The following VPS13D variants were observed in gnomAD, a reference collection of about 807,000 sequenced individuals.
The protein encoded by VPS13D is vacuolar protein sorting 13 homolog D, also known as intermembrane lipid transfer protein VPS13D.
Under a neutral mutation model 461.9 loss-of-function variants are expected in VPS13D, and 187 were observed. That is an observed-to-expected ratio of 0.40 (90% CI 0.36 to 0.46). The LOEUF (loss-of-function observed/expected upper bound fraction) is 0.46. Ranked by LOEUF, VPS13D falls within the 20% of genes least tolerant of loss-of-function variation. The pLI is 0.60. For missense variants in VPS13D, 4,711 were observed against 5,364.9 expected, an observed-to-expected ratio of 0.88 and a Z score of 3.81; for synonymous variants, 1,951 against 1,986.3, an observed-to-expected ratio of 0.98 and a Z score of 0.47.
intron 20 of VPS13D, among the ~76,000 whole-genome samples, chr1:12,282,286 T>C (rs1417333800): frequency 6.6e-6 from 1 of 152,256 alleles, no homozygotes; most frequent in East Asian, 1.9e-4. Flanking sequence ...TAAAAAGTAC[T>C]ACCAGTACTA....
chr1:12,436,109 A>G (rs774419640), intron 65 of VPS13D, among the ~76,000 whole-genome samples: 39 of 152,242 alleles, frequency 2.6e-4, no homozygotes, highest in Non-Finnish European at 4.7e-4. Flanking sequence ...GGGGACACAG[A>G]CATAAACAAA....
At chr1:12,291,195 A>G (rs1031418514) in intron 23 of VPS13D, 71 bp downstream of exon 23, 5 of 1,526,890 alleles carry the variant, frequency 3.3e-6, no homozygotes, top group South Asian at 1.3e-5. Flanking sequence ...CTTGTTGGCT[A>G]GACAATAAAG....
intron 60 of VPS13D, 109 bp downstream of exon 60, chr1:12,386,443 TGTGGCC>T: frequency 7.8e-7 from 1 of 1,286,810 alleles, no homozygotes; most frequent in Non-Finnish European, 1.0e-6. Flanking sequence ...GGAAATATCT[TGTGGCC>T]TTCAAAAAAT....
At chr1:12,433,949 A>AGAGAGAGAGAGAGAGAGTGT (rs1553121770) in intron 65 of VPS13D, among the ~76,000 whole-genome samples, 1 of 144,928 alleles carries the variant, frequency 6.9e-6, no homozygotes, top group African/African-American at 2.6e-5. Context: ...AGAGAGAGAG[A>AGAGAGAGAGAGAGAGAGTGT]GTGTGTGTGT....
chr1:12,392,411 G>A (rs886513902), intron 60 of VPS13D, among the ~76,000 whole-genome samples: 4 of 151,774 alleles, frequency 2.6e-5, no homozygotes, highest in East Asian at 2.0e-4. Flanking sequence ...CCTGGGAGGT[G>A]GAGGTTGCAG....
At chr1:12,349,810 CA>C (rs1478481181) in intron 46 of VPS13D, among the ~76,000 whole-genome samples, 3 of 152,106 alleles carry the variant, frequency 2.0e-5, no homozygotes, top group African/African-American at 7.2e-5. Flanking sequence ...AGAACTTTGA[CA>C]AAATTGCCTA....
chr1:12,246,853 A>G lies in VPS13D; in HGVS notation c.447+2236A>G, dbSNP rs577561936. ...TGAGAGTCCTTGCGTTTCTCAGGACATACGACATTTTGTTTATTCATTCAT... is the reference window on the plus strand; with the variant it reads ...TGAGAGTCCTTGCGTTTCTCAGGACGTACGACATTTTGTTTATTCATTCAT... On this transcript the variant is annotated intron_variant, in intron 5 of 69. Coordinates refer to ENST00000620676, the MANE Select transcript of VPS13D (RefSeq NM_015378.4). 1.5e-4 allele frequency among the ~76,000 whole-genome samples: 23 copies of G among 152,322 alleles called. 1 individual carries two copies. The South Asian group carries it at 3.9e-3, about 26-fold the overall frequency.
At chr1:12,310,893 T>TTCCCTCCTTCCCTCCTTCCCTCCC in intron 27 of VPS13D, among the ~76,000 whole-genome samples, 1 of 136,004 alleles carries the variant, frequency 7.4e-6, no homozygotes, top group Non-Finnish European at 1.6e-5. Context: ...CCTTCCCTCC[T>TTCCCTCCTTCCCTCCTTCCCTCCC]TCCCTCCTTC....
Position 12,355,942 on chromosome 1 carries a change from T to A in VPS13D, c.9723T>A (p.Ile3241=). 6.2e-7 allele frequency: 1 copy of A among 1,610,310 alleles called. No homozygotes were observed. The highest frequency in any genetic ancestry group is 1.1e-5 in the South Asian group (1 of 90,714). The change falls in exon 48 of 70, where the codon ATT becomes ATA. Residue 3241 remains isoleucine (I), a synonymous_variant. Transcript: ENST00000620676. ...TCCCCCTCTGTAAAGAATTGCTCAT[T>A]CCACCTGGAACCCAAAACTATATGG... ...ENFPLCKELL[I]PPGTQNYMVR...
At chr1:12,261,739 A>G (rs1435227407) in intron 12 of VPS13D, among the ~76,000 whole-genome samples, 162 bp from the exon 13 acceptor site, 1 of 152,242 alleles carries the variant, frequency 6.6e-6, no homozygotes, top group Non-Finnish European at 1.5e-5. Context: ...GTTGTTTTAC[A>G]TTAGGAAATA....
intron 67 of VPS13D, among the ~76,000 whole-genome samples, chr1:12,494,325 A>T (rs1220185203): frequency 6.6e-6 from 1 of 152,116 alleles, no homozygotes; most frequent in African/African-American, 2.4e-5. Context: ...GTGGGTTTGC[A>T]GTTTACAGGT....
intron 60 of VPS13D, among the ~76,000 whole-genome samples, chr1:12,398,790 A>G (rs1644533801): frequency 6.6e-6 from 1 of 152,164 alleles, no homozygotes; most frequent in African/African-American, 2.4e-5. Context: ...ACAATTTGGT[A>G]GCCATTTGAG....
rs756247447 is a variant in VPS13D at position 12,341,897 on chromosome 1, G to A, written c.8732+12G>A. 6.2e-7 allele frequency: 1 copy of A among 1,613,176 alleles called. No individual in the cohort carries two copies. Among genetic ancestry groups the A allele is most frequent in the East Asian group, 2.2e-5 (1 of 44,862 alleles). ...ACCACACCCACCAGGTAAGCAGTCA[G>A]TTTATATTACCCCGAGTCATCTCTG... On this transcript the variant is annotated intron_variant, in intron 41 of 69. Coordinates refer to ENST00000620676, the MANE Select transcript of VPS13D (RefSeq NM_015378.4).
intron 68 of VPS13D, among the ~76,000 whole-genome samples, chr1:12,500,745 G>C (rs1433524905): frequency 6.6e-6 from 1 of 151,338 alleles, no homozygotes; most frequent in African/African-American, 2.4e-5. Context: ...GTAGAGATGA[G>C]GTCTCGCCAT....
At chr1:12,232,637 C>CTTTT (rs772757546) in intron 1 of VPS13D, among the ~76,000 whole-genome samples, 74 of 71,016 alleles carry the variant, frequency 1.0e-3, no homozygotes, top group African/African-American at 1.9e-3. Context: ...TAAAATTAGT[C>CTTTT]TTTTTTTTTT....
At chr1:12,249,991 G>C (rs1477420484) in intron 6 of VPS13D, among the ~76,000 whole-genome samples, 2 of 152,164 alleles carry the variant, frequency 1.3e-5, no homozygotes, top group Non-Finnish European at 2.9e-5. Context: ...GGTTGTGACC[G>C]GTGCTTCTGA....
At chr1:12,309,337 A>T (rs1240086502) in intron 27 of VPS13D, among the ~76,000 whole-genome samples, 2 of 151,034 alleles carry the variant, frequency 1.3e-5, no homozygotes, top group African/African-American at 2.4e-5. Context: ...CAGCCTCCCA[A>T]GTAGCTGAGA....
chr1:12,428,716 G>A (rs1341945389), intron 65 of VPS13D, among the ~76,000 whole-genome samples: 1 of 152,144 alleles, frequency 6.6e-6, no homozygotes, highest in Non-Finnish European at 1.5e-5. Flanking sequence ...ATTACAGCAG[G>A]CACCAGATTT....
intron 56 of VPS13D, 101 bp downstream of exon 56, chr1:12,378,692 A>G (rs1644234700): frequency 1.6e-6 from 2 of 1,257,136 alleles, no homozygotes; most frequent in South Asian, 2.2e-5. Context: ...TAAAGTAAAA[A>G]TGTATATTTT....
Sources: gnomAD v4.1 joint callset for allele counts (sites outside exome capture counted in the v4.1 genomes callset) on GRCh38, gnomAD v4.1.1 for gene constraint, MANE v1.5 for transcripts, NCBI Gene and HGNC (gene_info 2026-07-23, HGNC 2026-07-21) for gene names.